HELZ: variants seen among roughly 807,000 people sequenced by gnomAD.
The protein encoded by HELZ is helicase with zinc finger, also known as ATP-dependent RNA helicase with zinc finger domain.
HELZ carries 23 observed loss-of-function variants against 218.2 expected under a neutral mutation model. The ratio of observed to expected loss-of-function variants is 0.11; its 90% CI spans 0.08 to 0.15. HELZ has a LOEUF of 0.15. HELZ is among the 10% of genes least tolerant of loss of function. The probability of loss-of-function intolerance (pLI) is 1.00; values close to 1 mark genes in which losing one functional copy is unlikely to be tolerated. For synonymous variants in HELZ, 814 were observed against 829.4 expected, an observed-to-expected ratio of 0.98 and a Z score of 0.32; for missense variants, 1,813 against 2,353.7, an observed-to-expected ratio of 0.77 and a Z score of 4.75.
chr17:67,167,709 T>C lies in HELZ; in HGVS notation c.1518A>G (p.Gln506=), dbSNP rs757711115. Residue 506 remains glutamine, a synonymous_variant, in exon 14 of 33, where the codon CAA becomes CAG. Coordinates refer to ENST00000358691, the MANE Select transcript of HELZ (RefSeq NM_014877.4). The part of the protein sequence containing the change: ...SGGAKYAQNG[Q]LFGRFKLTET... ...CAGTAAGCTTAAAGCGACCAAAAAG[T>C]TGTCCATTCTGAGCATACTTTGCAC... is the stretch of plus-strand genomic sequence containing the variant. The C allele has an allele frequency of 6.8e-6, 11 of 1,613,984 alleles. No homozygotes were observed. The highest frequency in any genetic ancestry group is 9.3e-6 in the Non-Finnish European group (11 of 1,180,016).
intron 5 of HELZ, among the ~76,000 whole-genome samples, chr17:67,212,808 A>AT (rs1300304695): frequency 6.6e-6 from 1 of 152,016 alleles, no homozygotes; most frequent in East Asian, 1.9e-4. Flanking sequence ...TCTGCATACA[A>AT]TTTTTTCTCT....
intron 5 of HELZ, 78 bp from the exon 6 acceptor site, chr17:67,203,521 T>G: frequency 6.6e-7 from 1 of 1,524,772 alleles, no homozygotes; most frequent in Middle Eastern, 1.7e-4. Flanking sequence ...TAACACACTA[T>G]CACAAGCGTG....
chr17:67,203,700 C>T (rs958044654), intron 5 of HELZ, among the ~76,000 whole-genome samples: 1 of 152,158 alleles, frequency 6.6e-6, no homozygotes, highest in African/African-American at 2.4e-5. Flanking sequence ...TCCTTAAGCT[C>T]TCGAGGGAAA....
At chr17:67,151,369 T>C (rs2038677001) in intron 17 of HELZ, 145 bp from the exon 18 acceptor site, 6 of 663,170 alleles carry the variant, frequency 9.0e-6, no homozygotes, top group South Asian at 2.3e-5. Flanking sequence ...TCTATTGAAT[T>C]AGAATTTAAC....
intron 13 of HELZ, among the ~76,000 whole-genome samples, chr17:67,174,729 C>T (rs2039405774): frequency 6.6e-6 from 1 of 151,942 alleles, no homozygotes. Flanking sequence ...ACCCAGGAGG[C>T]GGAGGTTCTG....
At chr17:67,186,140 A>G (rs2039747840) in intron 12 of HELZ, among the ~76,000 whole-genome samples, 1 of 149,022 alleles carries the variant, frequency 6.7e-6, no homozygotes, top group Admixed American at 6.7e-5. Flanking sequence ...ATTTTAAAAA[A>G]CAAAAACAAA....
At position 67,125,267 on chromosome 17, in the gene HELZ, T is replaced by C. The variant is rs1321364613; in HGVS notation, c.3388-1253A>G. 3.4e-5 allele frequency among the ~76,000 whole-genome samples: 4 copies of C among 118,878 alleles called. No individual in the cohort carries two copies. In the East Asian group the frequency reaches 8.7e-4, roughly 26 times the overall value. 78.0% of individuals were successfully genotyped at this position (118,878 alleles called of 152,430 possible). ...CCATTAACCTCAAGAGAAAGCATGT[T>C]CACAGTGATTGGCACCAACTATATA... is the stretch of plus-strand genomic sequence containing the variant. On this transcript the variant is annotated intron_variant, in intron 24 of 32. Coordinates refer to ENST00000358691, the MANE Select transcript of HELZ (RefSeq NM_014877.4).
At chr17:67,082,855 T>C (rs942480765) in intron 32 of HELZ, among the ~76,000 whole-genome samples, 1 of 149,994 alleles carries the variant, frequency 6.7e-6, no homozygotes, top group Non-Finnish European at 1.5e-5. Flanking sequence ...CTGTTTTTTT[T>C]TTTTGTTTTT....
chr17:67,212,580 A>C (rs1056585030), intron 5 of HELZ, among the ~76,000 whole-genome samples: 9 of 152,206 alleles, frequency 5.9e-5, no homozygotes, highest in African/African-American at 2.2e-4. Context: ...CTACTAATAT[A>C]CATGTATAAT....
At chr17:67,189,328 A>G (rs1277028787) in intron 11 of HELZ, among the ~76,000 whole-genome samples, 1 of 152,062 alleles carries the variant, frequency 6.6e-6, no homozygotes, top group Non-Finnish European at 1.5e-5. Flanking sequence ...TTAGAAGACA[A>G]TATGTCAAAG....
intron 8 of HELZ, among the ~76,000 whole-genome samples, chr17:67,194,907 G>A (rs1206399558): frequency 6.7e-6 from 1 of 149,144 alleles, no homozygotes; most frequent in African/African-American, 2.6e-5. Context: ...TCAAAAAGAT[G>A]CAGAAGGACT....
rs2035915719 is a variant in HELZ, at chr17:67,072,425, C to T, written c.*5827G>A. On this transcript the variant is annotated 3_prime_UTR_variant, in exon 33 of 33. Transcript: ENST00000358691. ...TGTCACTGCCATCTTAGGACAGGGACTCCTGCACTTAGTGCCTCGATACAT... is the reference window on the plus strand; with the variant it reads ...TGTCACTGCCATCTTAGGACAGGGATTCCTGCACTTAGTGCCTCGATACAT... 6.6e-6 allele frequency: 1 copy of T among 152,660 alleles called. No individual in the cohort carries two copies. The highest frequency in any genetic ancestry group is 2.1e-4 in the South Asian group (1 of 4,834). The allele number at this position is 152,660 out of a possible 1,614,324, so 9.5% of individuals were successfully genotyped here.
intron 7 of HELZ, among the ~76,000 whole-genome samples, chr17:67,195,781 A>C (rs1436571492): frequency 6.7e-6 from 1 of 148,918 alleles, no homozygotes; most frequent in Non-Finnish European, 1.5e-5. Flanking sequence ...CCATTTATTC[A>C]CTTTACTCTC....
At chr17:67,192,974 A>T (rs1011604673) in intron 9 of HELZ, among the ~76,000 whole-genome samples, 2 of 152,222 alleles carry the variant, frequency 1.3e-5, no homozygotes, top group South Asian at 4.1e-4. Context: ...ACATTTCTTT[A>T]TCTATTTTAT....
At chr17:67,151,897 C>G (rs2038695163) in intron 17 of HELZ, among the ~76,000 whole-genome samples, 1 of 152,212 alleles carries the variant, frequency 6.6e-6, no homozygotes, top group Admixed American at 6.5e-5. Context: ...ACCCACCCAT[C>G]TCTAACCTAC....
At chr17:67,159,028 A>G (rs1055638810) in intron 17 of HELZ, among the ~76,000 whole-genome samples, 2 of 152,164 alleles carry the variant, frequency 1.3e-5, no homozygotes, top group Non-Finnish European at 1.5e-5. Context: ...ACACATGCTC[A>G]CTCTACCAAC....
rs1249186238 is a variant in HELZ at position 67,215,967 on chromosome 17, T to A, written c.211-32A>T. ...AACAAAAATACAAGATAAAATTAAGTATTTCAAGAGCTGCTTTTAACAGAG... is the reference window on the plus strand; with the variant it reads ...AACAAAAATACAAGATAAAATTAAGAATTTCAAGAGCTGCTTTTAACAGAG... On this transcript the variant is annotated intron_variant, in intron 4 of 32. Transcript: ENST00000358691. The A allele has an allele frequency of 2.3e-6, 3 of 1,291,566 alleles. No individual in the cohort carries two copies. In the East Asian group the frequency reaches 7.0e-5, roughly 30 times the overall value. 80.0% of individuals were successfully genotyped at this position (1,291,566 alleles called of 1,614,324 possible).
chr17:67,243,174 C>A (rs1476169122), intron 2 of HELZ, among the ~76,000 whole-genome samples: 1 of 152,184 alleles, frequency 6.6e-6, no homozygotes, highest in African/African-American at 2.4e-5. Flanking sequence ...AATAAATTCA[C>A]ACACCGTGTG....
At chr17:67,078,664 G>T (rs544718718) in intron 32 of HELZ, 78 bp from the exon 33 acceptor site, 2 of 1,043,088 alleles carry the variant, frequency 1.9e-6, no homozygotes, top group East Asian at 5.5e-5. Flanking sequence ...CAGTGTGTCA[G>T]AACTGGCTCT....
Sources: allele counts gnomAD v4.1 joint callset (sites outside exome capture counted in the v4.1 genomes callset), GRCh38; gene constraint gnomAD v4.1.1; transcripts MANE v1.5; gene names NCBI Gene and HGNC (gene_info 2026-07-23, HGNC 2026-07-21).